The following DAZAP1 variants were observed in gnomAD, a reference collection of about 807,000 sequenced individuals.
The protein encoded by DAZAP1 is DAZ-associated protein 1.
In DAZAP1, 6 loss-of-function variants were observed where a neutral mutation model predicts 60.1. That is an observed-to-expected ratio of 0.10 (90% CI 0.05 to 0.20). The LOEUF is 0.20. DAZAP1 is among the 10% of genes least tolerant of loss of function. DAZAP1 has a pLI of 1.00. For missense variants in DAZAP1, 366 were observed against 560.4 expected, an observed-to-expected ratio of 0.65 and a Z score of 3.50; for synonymous variants, 235 against 215.9, an observed-to-expected ratio of 1.09 and a Z score of -0.78.
chr19:1,421,054 A>T, intron 4 of DAZAP1, 94 bp from the exon 5 acceptor site: 2 of 1,112,490 alleles, frequency 1.8e-6, no homozygotes, highest in Non-Finnish European at 2.7e-6. Flanking sequence ...CTGACTCTTT[A>T]AACCAGCGCG....
chr19:1,417,252 A>T, intron 1 of DAZAP1: 1 of 546,502 alleles, frequency 1.8e-6, no homozygotes, highest in Non-Finnish European at 3.2e-6. Context: ...GCCACGCATG[A>T]GGTCAGCGTG....
At position 1,425,785 on chromosome 19, in the gene DAZAP1, G is replaced by A. The variant is rs1225944861; in HGVS notation, c.464-93G>A. ...CACACACAGCTTAGCTGAAACCCAA[G>A]GTCGATCCCTCGGCCCGTCCCTAAT... On this transcript the variant is annotated intron_variant, in intron 6 of 11. Transcript: ENST00000233078. This position sits in a 1 kb window ranked among gnomAD's most constrained non-coding sequence, Gnocchi z 5.4. 1.1e-5 allele frequency: 10 copies of A among 925,190 alleles called. No homozygotes were observed. Among genetic ancestry groups the A allele is most frequent in the Non-Finnish European group, 1.8e-5 (10 of 557,266 alleles). The allele number at this position is 925,190 out of a possible 1,614,324, so 57.3% of individuals were successfully genotyped here.
rs368843907 is a variant in DAZAP1, at chr19:1,421,239, A to G, written c.395A>G (p.Tyr132Cys). ...HNCGETELRE[Y>C]FKKFGVVTEV... Reference sequence around the variant, plus strand: ...TGTGGTGAGACAGAGCTCAGGGAATACTTCAAGAAGTTCGGAGTGGTGAGT... The same window carrying G: ...TGTGGTGAGACAGAGCTCAGGGAATGCTTCAAGAAGTTCGGAGTGGTGAGT... The change falls in exon 5 of 12, where the codon TAC (tyrosine) becomes TGC (cysteine). Residue 132 changes from tyrosine to cysteine, a missense_variant. Coordinates refer to ENST00000233078, the MANE Select transcript of DAZAP1 (RefSeq NM_018959.4). The G allele has an allele frequency of 6.2e-7, 1 of 1,614,024 alleles. No homozygotes were observed. The highest frequency in any genetic ancestry group is 1.3e-5 in the African/African-American group (1 of 74,932).
At chr19:1,417,754 C>T (rs1374205123) in intron 2 of DAZAP1, among the ~76,000 whole-genome samples, 2 of 152,194 alleles carry the variant, frequency 1.3e-5, no homozygotes, top group African/African-American at 4.8e-5. Context: ...AGACCTCAGG[C>T]TGCAGGTTCC....
At chr19:1,430,191 C>T (rs778632026) in intron 9 of DAZAP1, 31 bp from the exon 10 acceptor site, 19 of 1,583,422 alleles carry the variant, frequency 1.2e-5, no homozygotes, top group Non-Finnish European at 1.6e-5. Flanking sequence ...CCAGCGCTCT[C>T]TGTCCATCAC....
chr19:1,411,382 G>T (rs1327776261), intron 1 of DAZAP1, among the ~76,000 whole-genome samples: 1 of 152,246 alleles, frequency 6.6e-6, no homozygotes, highest in Non-Finnish European at 1.5e-5. Context: ...ACATCACCCA[G>T]TGTCCTGCTG....
In DAZAP1 at chr19:1,433,093, A is replaced by G; in HGVS notation, c.1048+403A>G. The G allele has an allele frequency of 4.9e-6, 1 of 203,538 alleles. No individual in the cohort carries two copies. The highest frequency in any genetic ancestry group is 1.0e-5 in the Non-Finnish European group (1 of 100,002). The allele number at this position is 203,538 out of a possible 1,614,324, so 12.6% of individuals were successfully genotyped here. ...GTCATCAGCCTCCTGCTGGGTCCAG[A>G]CCCCGCTTGGGGCAGAAGCTGGGTC... On this transcript the variant is annotated intron_variant, in intron 11 of 11. Transcript: ENST00000233078. The surrounding 1 kb of genome is among the most constrained non-coding windows in gnomAD (Gnocchi z 6.1).
intron 1 of DAZAP1, chr19:1,409,906 CT>C (rs2082776727): frequency 6.6e-6 from 1 of 152,402 alleles, no homozygotes; most frequent in Non-Finnish European, 1.5e-5. Context: ...AGAGCCCTCA[CT>C]GCTCACTGCC....
chr19:1,434,391 C>T lies in DAZAP1; in HGVS notation c.1049-346C>T, dbSNP rs2083539935. 5 of 273,446 alleles carry T rather than the reference C, an allele frequency of 1.8e-5. 1 individual carries two copies. In the South Asian group the frequency reaches 2.6e-4, roughly 14 times the overall value. The allele number at this position is 273,446 out of a possible 1,614,324, so 16.9% of individuals were successfully genotyped here. On this transcript the variant is annotated intron_variant, in intron 11 of 11. Coordinates refer to ENST00000233078, the MANE Select transcript of DAZAP1 (RefSeq NM_018959.4). This position sits in a 1 kb window ranked among gnomAD's most constrained non-coding sequence, Gnocchi z 8.0. ...CTTTCTAGAAGCCTGGTCCACCGTG[C>T]CTTGGGCCATGTGTGTCTCCAAGCC...
intron 7 of DAZAP1, chr19:1,427,029 T>C (rs1229248526): frequency 6.6e-6 from 1 of 152,270 alleles, no homozygotes; most frequent in Non-Finnish European, 1.5e-5. Context: ...TGTGTAGTTA[T>C]TTTTGTATAC....
chr19:1,410,970 G>T (rs1481942227), intron 1 of DAZAP1, among the ~76,000 whole-genome samples: 1 of 152,234 alleles, frequency 6.6e-6, no homozygotes, highest in Non-Finnish European at 1.5e-5. Flanking sequence ...CTCAGAGCCA[G>T]GCCCATGGCA....
At chr19:1,408,706 T>A (rs979819164) in intron 1 of DAZAP1, among the ~76,000 whole-genome samples, 1 of 152,170 alleles carries the variant, frequency 6.6e-6, no homozygotes, top group Non-Finnish European at 1.5e-5. Context: ...GGCCCGCGGA[T>A]CTTTGCTGCG....
At chr19:1,419,394 A>G (rs897885437) in intron 4 of DAZAP1, among the ~76,000 whole-genome samples, 1 of 152,210 alleles carries the variant, frequency 6.6e-6, no homozygotes, top group South Asian at 2.1e-4. Flanking sequence ...GCCTCTCCAC[A>G]GTGTGGGCAG....
At position 1,407,789 on chromosome 19, in the gene DAZAP1, G is replaced by A; in HGVS notation, c.16G>A (p.Ala6Thr). MNNSGADEIGKLFVGG... is the reference protein window; with the variant it reads MNNSGTDEIGKLFVGG... The stretch of plus-strand genomic sequence containing the variant: ...CGCCGCCGCCATGAACAACTCGGGC[G>A]CCGACGAGATCGGGTGAGGACGAGC... Residue 6 changes from alanine to threonine, a missense_variant, in exon 1 of 12, where the codon GCC becomes ACC. Transcript: ENST00000233078. 9.2e-7 allele frequency: 1 copy of A among 1,082,118 alleles called. No homozygotes were observed. The highest frequency in any genetic ancestry group is 1.1e-6 in the Non-Finnish European group (1 of 892,208). The allele number at this position is 1,082,118 out of a possible 1,614,324, so 67.0% of individuals were successfully genotyped here.
chr19:1,432,416 C>G lies in DAZAP1; in HGVS notation c.872-98C>G. On this transcript the variant is annotated intron_variant, in intron 10 of 11. Transcript: ENST00000233078. The surrounding 1 kb of genome is among the most constrained non-coding windows in gnomAD (Gnocchi z 4.9). The stretch of plus-strand genomic sequence containing the variant: ...GTTCTGTGGGTTTGGGTGGCAGTCC[C>G]GTCTGGGCAGCTCCTGCTGGGCTGG... The G allele has an allele frequency of 7.5e-7, 1 of 1,330,438 alleles. No individual in the cohort carries two copies. The highest frequency in any genetic ancestry group is 1.4e-5 in the African/African-American group (1 of 69,578). 82.4% of individuals were successfully genotyped at this position (1,330,438 alleles called of 1,614,324 possible).
In DAZAP1 at chr19:1,432,427, C is replaced by G. The variant is rs1251954307; in HGVS notation, c.872-87C>G. On this transcript the variant is annotated intron_variant, in intron 10 of 11. Coordinates refer to ENST00000233078, the MANE Select transcript of DAZAP1 (RefSeq NM_018959.4). This position sits in a 1 kb window ranked among gnomAD's most constrained non-coding sequence, Gnocchi z 4.9. ...TTGGGTGGCAGTCCCGTCTGGGCAG[C>G]TCCTGCTGGGCTGGGTGTGGGTCTC... 7.0e-7 allele frequency: 1 copy of G among 1,436,650 alleles called. No individual in the cohort carries two copies. The highest frequency in any genetic ancestry group is 1.4e-5 in the African/African-American group (1 of 71,594). The allele number at this position is 1,436,650 out of a possible 1,614,324, so 89.0% of individuals were successfully genotyped here.
intron 7 of DAZAP1, chr19:1,427,207 G>A (rs1792970879): frequency 2.0e-5 from 3 of 152,310 alleles, no homozygotes. Flanking sequence ...TCTGCGCCCA[G>A]TGTTTTAAGG....
intron 7 of DAZAP1, chr19:1,427,646 C>G (rs958989505): frequency 6.6e-6 from 1 of 152,180 alleles, no homozygotes; most frequent in Non-Finnish European, 1.5e-5. Context: ...ACCGCAGTCC[C>G]CTGAGGAGGG....
Position 1,407,662 on chromosome 19 carries a change from G to T in DAZAP1, c.-112G>T, listed in dbSNP as rs1165192777. The T allele has an allele frequency of 1.4e-5, 13 of 957,082 alleles. 1 individual carries two copies. Among genetic ancestry groups the T allele is most frequent in the Non-Finnish European group, 8.7e-6 (7 of 800,444 alleles). 59.3% of individuals were successfully genotyped at this position (957,082 alleles called of 1,614,324 possible). A position where few individuals can be genotyped will look rare whatever the true frequency, so the allele number is the denominator to read the frequency against. ...CGCCGCCGCCGCCGCCGCCGCCGCC[G>T]TTGCGCAGATCCGGGCCGCGGCTGT... On this transcript the variant is annotated 5_prime_UTR_variant, in exon 1 of 12. Transcript: ENST00000233078.
Sources: gnomAD v4.1 joint callset for allele counts (sites outside exome capture counted in the v4.1 genomes callset) on GRCh38, gnomAD v4.1.1 for gene constraint, Gnocchi (gnomAD v3.1) non-coding constraint, MANE v1.5 for transcripts, NCBI Gene and HGNC (gene_info 2026-07-23, HGNC 2026-07-21) for gene names.